Variants in CLNK observed in about 807,000 individuals in gnomAD.
CLNK encodes the protein cytokine dependent hematopoietic cell linker.
CLNK carries 74 observed loss-of-function variants against 68.6 expected under a neutral mutation model. The observed-to-expected ratio is 1.08, with a 90% CI of 0.89 to 1.31. The LOEUF is 1.31. CLNK is among the 50% of genes most tolerant of loss of function. The pLI, the probability that CLNK is intolerant of heterozygous loss-of-function variation, is 0.00. For synonymous variants in CLNK, 198 were observed against 172.2 expected (o/e 1.15, Z -1.17); for missense variants, 553 against 515.3 (o/e 1.07, Z -0.71).
chr4:10,584,366 C>T (rs1720896282), intron 4 of CLNK, among the ~76,000 whole-genome samples: 2 of 152,142 alleles, frequency 1.3e-5, no homozygotes, highest in Non-Finnish European at 2.9e-5. Flanking sequence ...ATCTAGACAC[C>T]AGCTTTCTAG....
At chr4:10,653,091 C>T (rs557210165) in intron 2 of CLNK, among the ~76,000 whole-genome samples, 14 of 152,204 alleles carry the variant, frequency 9.2e-5, no homozygotes, top group Admixed American at 7.9e-4. Context: ...AACACAAGAA[C>T]AGAAAACCAA....
chr4:10,500,714 A>G (rs1292040824), intron 18 of CLNK, among the ~76,000 whole-genome samples: 1 of 151,370 alleles, frequency 6.6e-6, no homozygotes, highest in African/African-American at 2.4e-5. Flanking sequence ...TGGCATATAC[A>G]TAGTCAGTGA....
chr4:10,544,806 T>C (rs1170978296), intron 8 of CLNK, among the ~76,000 whole-genome samples: 1 of 152,128 alleles, frequency 6.6e-6, no homozygotes, highest in Non-Finnish European at 1.5e-5. Context: ...GTGAGAGCCT[T>C]CTTGCGGGTG....
In CLNK at chr4:10,488,750, TGCTAAGA is replaced by T. The variant is rs1428411186; in HGVS notation, c.*1710_*1716del. The T allele has an allele frequency of 4.6e-5, 7 of 152,370 alleles. No homozygotes were observed. The East Asian group carries it at 1.3e-3, about 29-fold the overall frequency. 9.4% of individuals were successfully genotyped at this position (152,370 alleles called of 1,614,324 possible). On this transcript the variant is annotated 3_prime_UTR_variant, in exon 19 of 19. Coordinates refer to ENST00000226951, the MANE Select transcript of CLNK (RefSeq NM_052964.4). ...AGCAGGTATTTGGATAGTGGGTAGATGCTAAGAGCTTTTCCCAGAGAGCTCATTGTCT... is the reference window on the plus strand; with the variant it reads ...AGCAGGTATTTGGATAGTGGGTAGATGCTTTTCCCAGAGAGCTCATTGTCT...
At chr4:10,627,472 T>G (rs1722719163) in intron 2 of CLNK, among the ~76,000 whole-genome samples, 1 of 152,208 alleles carries the variant, frequency 6.6e-6, no homozygotes, top group South Asian at 2.1e-4. Flanking sequence ...TGGCATTGGT[T>G]TCTACTTAGT....
At chr4:10,712,974 C>T in the CLNK span, among the ~76,000 whole-genome samples, 2 of 152,192 alleles carry the variant, frequency 1.3e-5, no homozygotes, top group Non-Finnish European at 2.9e-5. Context: ...ATCAGTAGCC[C>T]CCATTCCCTG....
At chr4:10,546,633 T>G (rs1719243190) in intron 8 of CLNK, among the ~76,000 whole-genome samples, 1 of 152,222 alleles carries the variant, frequency 6.6e-6, no homozygotes, top group Non-Finnish European at 1.5e-5. Context: ...TTTTCTATCC[T>G]GCTCCTACAA....
intron 2 of CLNK, among the ~76,000 whole-genome samples, chr4:10,598,300 T>C (rs1054704664): frequency 1.3e-5 from 2 of 152,208 alleles, no homozygotes; most frequent in Non-Finnish European, 2.9e-5. Context: ...GCAGAAGAAA[T>C]GCCCATTCAA....
At chr4:10,659,451 T>C (rs1724106707) in intron 2 of CLNK, among the ~76,000 whole-genome samples, 1 of 152,256 alleles carries the variant, frequency 6.6e-6, no homozygotes, top group South Asian at 2.1e-4. Context: ...GTCACGGCTC[T>C]GTTGGCACAT....
At chr4:10,573,149 G>C (rs915934365) in intron 4 of CLNK, among the ~76,000 whole-genome samples, 1 of 152,106 alleles carries the variant, frequency 6.6e-6, no homozygotes, top group Non-Finnish European at 1.5e-5. Flanking sequence ...TTAAACATTA[G>C]TTATTTCACT....
the CLNK span, among the ~76,000 whole-genome samples, chr4:10,698,418 A>G: frequency 6.6e-6 from 1 of 152,216 alleles, no homozygotes; most frequent in African/African-American, 2.4e-5. Context: ...GTTAATTGCT[A>G]AGTGAGTACA....
intron 3 of CLNK, among the ~76,000 whole-genome samples, chr4:10,590,901 G>A (rs1397190476): frequency 6.6e-6 from 1 of 152,078 alleles, no homozygotes; most frequent in Non-Finnish European, 1.5e-5. Context: ...TAGGGCCATT[G>A]TAAAATATCA....
intron 2 of CLNK, among the ~76,000 whole-genome samples, chr4:10,600,957 G>A (rs540621976): frequency 2.0e-5 from 3 of 152,304 alleles, no homozygotes; most frequent in South Asian, 4.1e-4. Flanking sequence ...TGGGTGCCTC[G>A]AGAACCCAAC....
chr4:10,705,330 A>G, the CLNK span, among the ~76,000 whole-genome samples: 1 of 152,220 alleles, frequency 6.6e-6, no homozygotes, highest in Non-Finnish European at 1.5e-5. Context: ...AGATGTTATT[A>G]TTATTTTTTT....
intron 3 of CLNK, among the ~76,000 whole-genome samples, chr4:10,591,642 A>G (rs1039656486): frequency 2.0e-5 from 3 of 152,240 alleles, no homozygotes; most frequent in Admixed American, 2.0e-4. Flanking sequence ...GACCTGTCCT[A>G]TCCGAGCAAG....
chr4:10,618,850 C>T (rs537439017), intron 2 of CLNK, among the ~76,000 whole-genome samples: 2 of 152,320 alleles, frequency 1.3e-5, no homozygotes, highest in South Asian at 2.1e-4. Context: ...CTAACTCATT[C>T]GTGAGGACTC....
chr4:10,647,956 C>A (rs912703132), intron 2 of CLNK, among the ~76,000 whole-genome samples: 1 of 152,118 alleles, frequency 6.6e-6, no homozygotes, highest in African/African-American at 2.4e-5. Context: ...CATTCCACTA[C>A]AACTAATTGT....
intron 2 of CLNK, among the ~76,000 whole-genome samples, chr4:10,602,691 A>G (rs1248247558): frequency 6.6e-6 from 1 of 152,208 alleles, no homozygotes; most frequent in Non-Finnish European, 1.5e-5. Flanking sequence ...GCAATTTGTT[A>G]TGGCAGCCGC....
intron 9 of CLNK, 30 bp downstream of exon 9, chr4:10,542,225 T>C (rs1296071257): frequency 7.0e-7 from 1 of 1,419,146 alleles, no homozygotes; most frequent in Non-Finnish European, 9.7e-7. Flanking sequence ...AAATAATGAA[T>C]AACAAATGCA....
Sources: allele counts gnomAD v4.1 joint callset (sites outside exome capture counted in the v4.1 genomes callset), GRCh38; gene constraint gnomAD v4.1.1; transcripts MANE v1.5; gene names NCBI Gene and HGNC (gene_info 2026-07-23, HGNC 2026-07-21).